The following ABAT variants were observed in gnomAD, a reference collection of about 807,000 sequenced individuals.
ABAT encodes the protein 4-aminobutyrate aminotransferase, mitochondrial.
ABAT carries 45 observed loss-of-function variants against 64.6 expected under a neutral mutation model. The observed-to-expected ratio is 0.70, with a 90% CI of 0.55 to 0.89. The LOEUF is 0.89. Ranked by LOEUF, ABAT falls within the 40% of genes least tolerant of loss-of-function variation. ABAT has a pLI of 0.00. For missense variants in ABAT, 633 were observed against 658.4 expected (o/e 0.96, Z 0.42); for synonymous variants, 297 against 250.5 (o/e 1.19, Z -1.75).
chr16:8,680,378 G>T (rs1047700395), intron 1 of ABAT, among the ~76,000 whole-genome samples: 1 of 152,136 alleles, frequency 6.6e-6, no homozygotes, highest in African/African-American at 2.4e-5. Context: ...TTAAATTGGG[G>T]TAAAATACAC....
chr16:8,752,830 C>G (rs1462073699), intron 5 of ABAT, among the ~76,000 whole-genome samples: 5 of 152,186 alleles, frequency 3.3e-5, no homozygotes, highest in African/African-American at 1.2e-4. Flanking sequence ...GCCACCTGTC[C>G]TCCCGTATCT....
Position 8,764,842 on chromosome 16 carries a change from G to GGCAC in ABAT, c.540+13_540+16dup. ...TCATGTGGTACCGGGTGAGGTTTGGGGCACACACACACACACACACACAGG... is the reference window on the plus strand; with the variant it reads ...TCATGTGGTACCGGGTGAGGTTTGGGGCACGCACACACACACACACACACACAGG... On this transcript the variant is annotated intron_variant, in intron 8 of 15. Coordinates refer to ENST00000268251, the MANE Select transcript of ABAT (RefSeq NM_020686.6). The surrounding 1 kb of genome is among the most constrained non-coding windows in gnomAD (Gnocchi z 4.2). 6.3e-7 allele frequency: 1 copy of GGCAC among 1,586,748 alleles called. No individual in the cohort carries two copies.
At chr16:8,743,423 T>TTTTATATATATA (rs1288241223) in intron 2 of ABAT, among the ~76,000 whole-genome samples, 1 of 45,296 alleles carries the variant, frequency 2.2e-5, no homozygotes, top group Non-Finnish European at 3.8e-5. Flanking sequence ...ATGGAAACAG[T>TTTTATATATATA]TATATATATA....
At chr16:8,722,772 C>T (rs889239390) in intron 1 of ABAT, 7 of 1,279,524 alleles carry the variant, frequency 5.5e-6, no homozygotes, top group Non-Finnish European at 6.1e-6. Flanking sequence ...CCCAGATGCG[C>T]CCATCCAGGG....
Position 8,776,259 on chromosome 16 carries a change from G to C in ABAT, c.1123-85G>C, listed in dbSNP as rs2060260434. 2 of 1,579,946 alleles carry C rather than the reference G, an allele frequency of 1.3e-6. No homozygotes were observed. The highest frequency in any genetic ancestry group is 1.3e-5 in the African/African-American group (1 of 74,266). The stretch of plus-strand genomic sequence containing the variant: ...CTAGATTAGTTTCTCTCCTCTTCAA[G>C]AGAGGAGGCGGGGCGCCTGGGGTAA... On this transcript the variant is annotated intron_variant, in intron 13 of 15. Coordinates refer to ENST00000268251, the MANE Select transcript of ABAT (RefSeq NM_020686.6). This position sits in a 1 kb window ranked among gnomAD's most constrained non-coding sequence, Gnocchi z 4.4.
At chr16:8,754,662 ATTTATTTATTTCTTTCTTTCTTTCTTTC>A (rs200463771) in intron 5 of ABAT, among the ~76,000 whole-genome samples, 4,101 of 146,038 alleles carry the variant, frequency 0.028, 154 homozygotes, top group African/African-American at 0.052. Context: ...CAGCAAGTTG[ATTTATTTATTTCTTTCTTTCTTTCTTTC>A]TTTCTTTCTT....
chr16:8,774,541 G>A (rs997874769), intron 12 of ABAT, among the ~76,000 whole-genome samples: 2 of 152,078 alleles, frequency 1.3e-5, no homozygotes, highest in African/African-American at 4.8e-5. Flanking sequence ...CACATTCGAG[G>A]CCTCACTGTT....
At chr16:8,688,795 C>T (rs1281318472) in intron 1 of ABAT, among the ~76,000 whole-genome samples, 1 of 152,158 alleles carries the variant, frequency 6.6e-6, no homozygotes, top group East Asian at 1.9e-4. Flanking sequence ...TTAAGAAGTC[C>T]AGCTGGGCAT....
rs1210876152 is a variant in ABAT, at chr16:8,776,024, A to G, written c.1123-320A>G. On this transcript the variant is annotated intron_variant, in intron 13 of 15. Coordinates refer to ENST00000268251, the MANE Select transcript of ABAT (RefSeq NM_020686.6). The surrounding 1 kb of genome is among the most constrained non-coding windows in gnomAD (Gnocchi z 4.4). ...TCCTCCTGTATAAAATGAGGGTTAT[A>G]GGAGTTAAGGAACTGACTGTCTTGG... 6.6e-6 allele frequency among the ~76,000 whole-genome samples: 1 copy of G among 152,212 alleles called. No homozygotes were observed. The highest frequency in any genetic ancestry group is 1.5e-5 in the Non-Finnish European group (1 of 68,034).
At chr16:8,750,390 G>A (rs201151485) in intron 4 of ABAT, 32 bp from the exon 5 acceptor site, 3 of 1,571,376 alleles carry the variant, frequency 1.9e-6, no homozygotes, top group African/African-American at 2.7e-5. Context: ...GGGAGTGGCA[G>A]TGAGCCTGAG....
At chr16:8,762,952 AC>A (rs2059838570) in intron 6 of ABAT, among the ~76,000 whole-genome samples, 1 of 151,964 alleles carries the variant, frequency 6.6e-6, no homozygotes, top group Admixed American at 6.6e-5. Context: ...ATAAAAAAAT[AC>A]AAAAAATTAG....
intron 5 of ABAT, 41 bp from the exon 6 acceptor site, chr16:8,757,716 T>C: frequency 6.2e-7 from 1 of 1,603,872 alleles, no homozygotes; most frequent in Non-Finnish European, 8.5e-7. Flanking sequence ...GGGGAACCCT[T>C]GGATGCAATG....
rs755286793 is a variant in ABAT, at chr16:8,686,317, G to A, written c.-42+11606G>A. ...GCCCCAGCCCTAAGTGTCCAGTCCT[G>A]CAAGGGGCTGGAAGCAGGGCTCAAA... is the stretch of plus-strand genomic sequence containing the variant. On this transcript the variant is annotated intron_variant, in intron 1 of 15. Transcript: ENST00000268251. Among the ~76,000 whole-genome samples, 9 of 152,360 alleles carry A rather than the reference G, an allele frequency of 5.9e-5. No homozygotes were observed. In the South Asian group the frequency reaches 1.7e-3, roughly 28 times the overall value.
rs1468648473 is a variant in ABAT, at chr16:8,783,126, G to C, written c.*1696G>C. On this transcript the variant is annotated 3_prime_UTR_variant, in exon 16 of 16. Transcript: ENST00000268251. ...AGGTTTAAGGTCACCTGCACTCCCA[G>C]CCAAGTGGTGATGTATGCCTCCCAC... 1 of 152,120 alleles carries C rather than the reference G, an allele frequency of 6.6e-6. No individual in the cohort carries two copies. The highest frequency in any genetic ancestry group is 1.5e-5 in the Non-Finnish European group (1 of 68,026). 9.4% of individuals were successfully genotyped at this position (152,120 alleles called of 1,614,324 possible). A position where few individuals can be genotyped will look rare whatever the true frequency, so the allele number is the denominator to read the frequency against.
chr16:8,683,860 C>T (rs2057390877), intron 1 of ABAT, among the ~76,000 whole-genome samples: 1 of 97,676 alleles, frequency 1.0e-5, no homozygotes, highest in African/African-American at 3.5e-5. Flanking sequence ...AGCCATCTGG[C>T]ATTCATTCGT....
intron 12 of ABAT, among the ~76,000 whole-genome samples, chr16:8,773,157 TA>T (rs201040708): frequency 2.6e-4 from 28 of 107,796 alleles, no homozygotes; most frequent in Middle Eastern, 5.1e-3. Flanking sequence ...CATATATATA[TA>T]TTTTTTTTTT....
At position 8,781,421 on chromosome 16, in the gene ABAT, C is replaced by G. The variant is rs2060436877; in HGVS notation, c.1494C>G (p.Asp498Glu). ...FLNIFSDILADFK is the reference protein window; with the variant it reads ...FLNIFSDILAEFK ...ATATTTTCAGTGACATCTTAGCAGA[C>G]TTCAAGTAAAGAAGCCATTTCCACT... is the stretch of plus-strand genomic sequence containing the variant. The change falls in exon 16 of 16, where the codon GAC becomes GAG. Residue 498 changes from aspartate (D) to glutamate (E), a missense_variant. Asp to Glu is a conservative substitution (Grantham distance 45, BLOSUM62 2). Coordinates refer to ENST00000268251, the MANE Select transcript of ABAT (RefSeq NM_020686.6). The surrounding 1 kb of genome is among the most constrained non-coding windows in gnomAD (Gnocchi z 4.5). The G allele has an allele frequency of 1.2e-6, 2 of 1,614,108 alleles. No homozygotes were observed. The highest frequency in any genetic ancestry group is 1.3e-5 in the African/African-American group (1 of 74,932).
chr16:8,738,615 T>C (rs2059057176), intron 2 of ABAT, among the ~76,000 whole-genome samples: 2 of 133,608 alleles, frequency 1.5e-5, no homozygotes, highest in South Asian at 4.8e-4. Flanking sequence ...TTTTTGTTTT[T>C]GTTTTTGTTT....
chr16:8,779,346 C>T, intron 14 of ABAT, 133 bp from the exon 15 acceptor site: 1 of 741,440 alleles, frequency 1.3e-6, no homozygotes, highest in East Asian at 2.7e-5. Flanking sequence ...GCTCTTAACC[C>T]CCTGGAGGTC....
Sources: allele counts gnomAD v4.1 joint callset (sites outside exome capture counted in the v4.1 genomes callset), GRCh38; gene constraint gnomAD v4.1.1; non-coding constraint Gnocchi (gnomAD v3.1); transcripts MANE v1.5; gene names NCBI Gene and HGNC (gene_info 2026-07-23, HGNC 2026-07-21).